Variants in PEAK1 observed in about 807,000 individuals in gnomAD.
PEAK1 encodes the protein inactive tyrosine-protein kinase PEAK1.
In PEAK1, 54 loss-of-function variants were observed where a neutral mutation model predicts 124.7. The ratio of observed to expected loss-of-function variants is 0.43; its 90% CI spans 0.35 to 0.54. The LOEUF (loss-of-function observed/expected upper bound fraction) is 0.54, where lower values mean the gene tolerates loss of function less well. PEAK1 is among the 20% of genes least tolerant of loss of function. The pLI is 0.01. For synonymous variants in PEAK1, 719 were observed against 760.0 expected (o/e 0.95, Z 0.89); for missense variants, 2,046 against 2,134.5 (o/e 0.96, Z 0.82).
intron 6 of PEAK1, among the ~76,000 whole-genome samples, chr15:77,230,028 A>C (rs888623587): frequency 2.6e-5 from 4 of 152,194 alleles, no homozygotes; most frequent in South Asian, 2.1e-4. Context: ...GTATATACAA[A>C]GATTAGTAAA....
intron 2 of PEAK1, among the ~76,000 whole-genome samples, chr15:77,321,488 C>A (rs1400626468): frequency 1.3e-5 from 2 of 152,132 alleles, no homozygotes; most frequent in Non-Finnish European, 2.9e-5. Flanking sequence ...ATATCCTTTG[C>A]CCACTTTTTG....
intron 5 of PEAK1, among the ~76,000 whole-genome samples, chr15:77,260,174 T>A (rs2061367033): frequency 6.6e-6 from 1 of 152,042 alleles, no homozygotes; most frequent in Non-Finnish European, 1.5e-5. Flanking sequence ...AAGGGACAAA[T>A]CACTGAGTGA....
At chr15:77,361,217 T>A (rs1002150278) in intron 2 of PEAK1, among the ~76,000 whole-genome samples, 1 of 152,074 alleles carries the variant, frequency 6.6e-6, no homozygotes, top group Non-Finnish European at 1.5e-5. Flanking sequence ...ATGATATAAA[T>A]GAACATTTTT....
chr15:77,228,498 C>A (rs1411220214), intron 6 of PEAK1, among the ~76,000 whole-genome samples: 1 of 152,114 alleles, frequency 6.6e-6, no homozygotes, highest in Non-Finnish European at 1.5e-5. Context: ...GCCTGGTCCA[C>A]AGTCCTCATC....
At chr15:77,139,928 G>A (rs370967560) in intron 8 of PEAK1, among the ~76,000 whole-genome samples, 171 of 151,892 alleles carry the variant, frequency 1.1e-3, no homozygotes, top group Non-Finnish European at 2.0e-3. Flanking sequence ...GCTTCAAGGC[G>A]GCCAGAGCTT....
intron 7 of PEAK1, among the ~76,000 whole-genome samples, chr15:77,173,044 G>A (rs1361451156): frequency 6.6e-6 from 1 of 152,108 alleles, no homozygotes; most frequent in African/African-American, 2.4e-5. Context: ...ATGAGCCACT[G>A]TGTCTGGCCC....
intron 8 of PEAK1, among the ~76,000 whole-genome samples, chr15:77,135,078 C>G (rs1457037897): frequency 1.3e-5 from 2 of 152,214 alleles, no homozygotes; most frequent in African/African-American, 4.8e-5. Flanking sequence ...CCCACTGTCT[C>G]AGAGGGAACA....
chr15:77,415,800 G>T (rs945411328), intron 1 of PEAK1, among the ~76,000 whole-genome samples: 2 of 151,914 alleles, frequency 1.3e-5, no homozygotes, highest in Admixed American at 1.3e-4. Flanking sequence ...TCAAATCCTT[G>T]TCTCCATCCA....
intron 5 of PEAK1, among the ~76,000 whole-genome samples, chr15:77,274,839 C>T (rs1307734519): frequency 6.6e-6 from 1 of 151,956 alleles, no homozygotes; most frequent in Non-Finnish European, 1.5e-5. Context: ...AAAAAAAGGT[C>T]ATTATACAAA....
intron 6 of PEAK1, among the ~76,000 whole-genome samples, chr15:77,238,943 A>G (rs1396045327): frequency 1.3e-5 from 2 of 152,146 alleles, no homozygotes; most frequent in Non-Finnish European, 2.9e-5. Flanking sequence ...ATTTTAGATT[A>G]TAGTTCTTAT....
chr15:77,391,371 T>C (rs1307285858), intron 1 of PEAK1, among the ~76,000 whole-genome samples: 1 of 149,232 alleles, frequency 6.7e-6, no homozygotes, highest in Non-Finnish European at 1.5e-5. Context: ...AATACCTCTG[T>C]GAACAAGAAG....
intron 1 of PEAK1, among the ~76,000 whole-genome samples, chr15:77,365,995 G>A (rs1035398279): frequency 1.3e-5 from 2 of 152,078 alleles, no homozygotes; most frequent in Non-Finnish European, 2.9e-5. Flanking sequence ...TACTAAGTAT[G>A]AAAAATGGAA....
chr15:77,355,348 A>C (rs1352665749), intron 2 of PEAK1, among the ~76,000 whole-genome samples: 3 of 152,226 alleles, frequency 2.0e-5, no homozygotes, highest in African/African-American at 7.2e-5. Context: ...ACTTATTATA[A>C]GTAAAATACA....
At chr15:77,141,959 G>A (rs748029117) in intron 8 of PEAK1, among the ~76,000 whole-genome samples, 10 of 151,990 alleles carry the variant, frequency 6.6e-5, no homozygotes, top group Non-Finnish European at 1.5e-4. Flanking sequence ...GATACCTAAA[G>A]TATAAGTAAC....
chr15:77,303,585 T>C (rs1410624170), intron 2 of PEAK1, among the ~76,000 whole-genome samples: 15 of 152,236 alleles, frequency 9.9e-5, no homozygotes, highest in Admixed American at 9.8e-4. Context: ...TCTGCCCATT[T>C]TTAAATTGGG....
At chr15:77,194,722 T>C (rs141094175) in intron 6 of PEAK1, among the ~76,000 whole-genome samples, 1 of 152,350 alleles carries the variant, frequency 6.6e-6, no homozygotes, top group Non-Finnish European at 1.5e-5. Flanking sequence ...GATGCTCTGC[T>C]ATCTGGTTTC....
intron 1 of PEAK1, among the ~76,000 whole-genome samples, chr15:77,400,582 T>C (rs972220036): frequency 6.6e-6 from 1 of 152,178 alleles, no homozygotes; most frequent in Admixed American, 6.5e-5. Flanking sequence ...TTGCATGCTC[T>C]CACTTATTTG....
At chr15:77,153,541 T>A (rs2054849034) in intron 8 of PEAK1, among the ~76,000 whole-genome samples, 2 of 152,342 alleles carry the variant, frequency 1.3e-5, no homozygotes, top group South Asian at 4.1e-4. Context: ...TGAATGTGTT[T>A]GCTCTTGCTT....
At position 77,175,079 on chromosome 15, in the gene PEAK1, T is replaced by C. The variant is rs1362671025; in HGVS notation, c.3137+3711A>G. Among the ~76,000 whole-genome samples, 3 of 151,942 alleles carry C rather than the reference T, an allele frequency of 2.0e-5. No individual in the cohort carries two copies. In the East Asian group the frequency reaches 5.8e-4, roughly 29 times the overall value. ...GAAAGCTGAAACTGGATCCCTTCCT[T>C]ACACCTTATACAAAAATCAATTCAA... On this transcript the variant is annotated intron_variant, in intron 7 of 9. Coordinates refer to ENST00000682557, the MANE Select transcript of PEAK1 (RefSeq NM_001385026.1).
Sources: gnomAD v4.1 joint callset for allele counts (sites outside exome capture counted in the v4.1 genomes callset) on GRCh38, gnomAD v4.1.1 for gene constraint, MANE v1.5 for transcripts, NCBI Gene and HGNC (gene_info 2026-07-23, HGNC 2026-07-21) for gene names.